The following BTG4 variants were observed in gnomAD, a reference collection of about 807,000 sequenced individuals.
The protein encoded by BTG4 is protein BTG4.
In BTG4, 10 loss-of-function variants were observed where a neutral mutation model predicts 19.3. The observed-to-expected ratio is 0.52, with a 90% CI of 0.32 to 0.88. The LOEUF (loss-of-function observed/expected upper bound fraction) is 0.88, where lower values mean the gene tolerates loss of function less well. BTG4 is among the 40% of genes least tolerant of loss of function. BTG4 has a pLI of 0.04. For missense variants in BTG4, 238 were observed against 281.9 expected (o/e 0.84, Z 1.11); for synonymous variants, 91 against 95.7 (o/e 0.95, Z 0.29).
At chr11:111,511,154 T>C (rs1185644805) in intron 1 of BTG4, among the ~76,000 whole-genome samples, 7 of 152,254 alleles carry the variant, frequency 4.6e-5, no homozygotes, top group African/African-American at 1.7e-4. Flanking sequence ...AATACAGTTA[T>C]TGTAGATGGC....
chr11:111,488,422 A>G lies in BTG4; in HGVS notation c.662+6741T>C, dbSNP rs560664078. On this transcript the variant is annotated intron_variant, in intron 5 of 5. Coordinates refer to the BTG4 transcript ENST00000356018. Reference sequence around the variant, plus strand: ...CACGAAAGAATGAAACTAGACCACTATCTCTTGCCATATGTAGAAATCCAG... The same window carrying G: ...CACGAAAGAATGAAACTAGACCACTGTCTCTTGCCATATGTAGAAATCCAG... Among the ~76,000 whole-genome samples the G allele has an allele frequency of 3.3e-5, 5 of 152,338 alleles. No homozygotes were observed. In the East Asian group the frequency reaches 9.6e-4, roughly 29 times the overall value.
intron 1 of BTG4, among the ~76,000 whole-genome samples, chr11:111,511,155 T>A (rs1216368527): frequency 6.6e-6 from 1 of 152,262 alleles, no homozygotes; most frequent in Non-Finnish European, 1.5e-5. Context: ...ATACAGTTAT[T>A]GTAGATGGCT....
chr11:111,477,830 A>T (rs1864485678), intron 5 of BTG4, among the ~76,000 whole-genome samples: 6 of 152,152 alleles, frequency 3.9e-5, no homozygotes, highest in Admixed American at 3.9e-4. Context: ...AACTTTAACA[A>T]TAAATCCTAT....
At chr11:111,391,270 A>G in the BTG4 span, among the ~76,000 whole-genome samples, 110,997 of 151,948 alleles carry the variant, frequency 0.73, 41,122 homozygotes, top group Admixed American at 0.81. Flanking sequence ...TGCTGCGACA[A>G]ACTCCAAACT....
At chr11:111,494,573 G>A (rs1865604490), downstream of BTG4, among the ~76,000 whole-genome samples, 1 of 152,150 alleles carries the variant, frequency 6.6e-6, no homozygotes, top group African/African-American at 2.4e-5. Flanking sequence ...AATTTGTAGA[G>A]ACATGGACTG....
the BTG4 span, among the ~76,000 whole-genome samples, chr11:111,406,269 T>C: frequency 1.3e-5 from 2 of 152,352 alleles, no homozygotes; most frequent in Admixed American, 6.5e-5. Context: ...CACACGCCAC[T>C]GTGCTGGCTA....
the BTG4 span, among the ~76,000 whole-genome samples, chr11:111,391,210 C>T: frequency 2.6e-5 from 4 of 152,176 alleles, no homozygotes; most frequent in East Asian, 7.7e-4. Context: ...AGTCATCAAG[C>T]CCCAGGGACC....
chr11:111,428,460 A>G, the BTG4 span, among the ~76,000 whole-genome samples: 4 of 152,126 alleles, frequency 2.6e-5, no homozygotes, highest in Non-Finnish European at 4.4e-5. Context: ...CAGAGCCTCC[A>G]GTCAGGGACC....
the BTG4 span, among the ~76,000 whole-genome samples, chr11:111,388,551 A>G: frequency 2.6e-5 from 4 of 152,120 alleles, no homozygotes; most frequent in Admixed American, 2.0e-4. Flanking sequence ...TTGTCTAGCT[A>G]AACACATAAC....
rs966724422 is a variant in BTG4, at chr11:111,505,014, A to T, written c.-26-6212T>A. Among the ~76,000 whole-genome samples, 15 of 152,222 alleles carry T rather than the reference A, an allele frequency of 9.9e-5. No individual in the cohort carries two copies. The Middle Eastern group carries it at 0.01, about 104-fold the overall frequency. On this transcript the variant is annotated intron_variant, in intron 1 of 4. Coordinates refer to ENST00000692032, the MANE Select transcript of BTG4 (RefSeq NM_001367975.1). ...AACATTCCATGCTATGAATTGGAAG[A>T]ATTAATATGGTTAAAATAACCATAT...
chr11:111,455,230 A>G, the BTG4 span: 4 of 354,526 alleles, frequency 1.1e-5, no homozygotes, highest in Non-Finnish European at 2.3e-5. Context: ...TACAGTTCCC[A>G]CCATCTCTGG....
At chr11:111,511,834 A>G (rs1185924819) in intron 1 of BTG4, among the ~76,000 whole-genome samples, 3 of 152,136 alleles carry the variant, frequency 2.0e-5, no homozygotes, top group Non-Finnish European at 4.4e-5. Context: ...ACCTTCTTTG[A>G]CCTATTACAG....
chr11:111,424,909 G>A, the BTG4 span, among the ~76,000 whole-genome samples: 5 of 152,136 alleles, frequency 3.3e-5, no homozygotes, highest in Non-Finnish European at 4.4e-5. Context: ...CAGTGAGCCA[G>A]GCTGTATTAG....
chr11:111,462,462 C>G, the BTG4 span: 1 of 152,536 alleles, frequency 6.6e-6, no homozygotes, highest in Non-Finnish European at 1.5e-5. Context: ...GGCTCAGATC[C>G]CCACAGCAGA....
chr11:111,477,361 ACT>A, intron 5 of BTG4, among the ~76,000 whole-genome samples: 1 of 152,310 alleles, frequency 6.6e-6, no homozygotes, highest in Middle Eastern at 3.4e-3. Context: ...CACACAGCCC[ACT>A]GACTAGAAAA....
At chr11:111,499,026 G>GA (rs536545791) in intron 1 of BTG4, among the ~76,000 whole-genome samples, 1,902 of 145,044 alleles carry the variant, frequency 0.013, 40 homozygotes, top group African/African-American at 0.044. Flanking sequence ...GTTTTCAAAG[G>GA]AAAAAAAAAA....
At chr11:111,490,767 A>T (rs1001191090), downstream of BTG4, among the ~76,000 whole-genome samples, 1 of 152,236 alleles carries the variant, frequency 6.6e-6, no homozygotes, top group Non-Finnish European at 1.5e-5. Context: ...AATACCAAAG[A>T]CTGGTAAGTG....
At chr11:111,441,637 G>A in the BTG4 span, among the ~76,000 whole-genome samples, 5 of 152,174 alleles carry the variant, frequency 3.3e-5, no homozygotes, top group Middle Eastern at 3.2e-3. Context: ...ACTGTGCCTC[G>A]CTTTTGATCT....
At chr11:111,504,569 T>C (rs1866317825) in intron 1 of BTG4, among the ~76,000 whole-genome samples, 1 of 152,012 alleles carries the variant, frequency 6.6e-6, no homozygotes, top group Non-Finnish European at 1.5e-5. Context: ...CGTTTCAAGT[T>C]AGAAACCAAG....
Sources: allele counts gnomAD v4.1 joint callset (sites outside exome capture counted in the v4.1 genomes callset), GRCh38; gene constraint gnomAD v4.1.1; transcripts MANE v1.5; gene names NCBI Gene and HGNC (gene_info 2026-07-23, HGNC 2026-07-21).